The following CDH18 variants were observed in gnomAD, a reference collection of about 807,000 sequenced individuals.
CDH18 encodes the protein cadherin 18.
In CDH18, 31 loss-of-function variants were observed where a neutral mutation model predicts 67.9. The observed-to-expected ratio is 0.46, with a 90% confidence interval of 0.34 to 0.62. The LOEUF (loss-of-function observed/expected upper bound fraction) is 0.62. Ranked by LOEUF, CDH18 falls within the 20% of genes least tolerant of loss-of-function variation. The probability of loss-of-function intolerance (pLI) is 0.01; values close to 1 mark genes in which losing one functional copy is unlikely to be tolerated. For missense variants in CDH18, 890 were observed against 975.5 expected (o/e 0.91, Z 1.17); for synonymous variants, 362 against 347.2 (o/e 1.04, Z -0.48).
At chr5:19,512,023 CTGCTTTG>C (rs1745206574) in intron 10 of CDH18, among the ~76,000 whole-genome samples, 1 of 152,138 alleles carries the variant, frequency 6.6e-6, no homozygotes, top group Admixed American at 6.6e-5. Flanking sequence ...CAGGACCATG[CTGCTTTG>C]TGCAGGACTT....
intron 2 of CDH18, among the ~76,000 whole-genome samples, chr5:20,080,060 T>C (rs1416179949): frequency 6.6e-6 from 1 of 152,180 alleles, no homozygotes; most frequent in Non-Finnish European, 1.5e-5. Context: ...AATATGAATT[T>C]TGGGGGAACG....
chr5:19,977,746 G>A (rs916822331), intron 2 of CDH18, among the ~76,000 whole-genome samples: 8 of 151,864 alleles, frequency 5.3e-5, no homozygotes, highest in African/African-American at 9.7e-5. Flanking sequence ...ATTTTCATAG[G>A]TGTTATGATT....
At chr5:20,304,703 T>C in intron 1 of CDH18, 2 of 1,611,518 alleles carry the variant, frequency 1.2e-6, no homozygotes, top group Non-Finnish European at 1.7e-6. Flanking sequence ...AGCTCCACCT[T>C]CTTGTCAGGT....
At chr5:19,852,530 T>G (rs1015928157) in intron 2 of CDH18, among the ~76,000 whole-genome samples, 1 of 152,056 alleles carries the variant, frequency 6.6e-6, no homozygotes, top group African/African-American at 2.4e-5. Flanking sequence ...GAGAAAGTCA[T>G]GAGGTTTCTA....
At chr5:20,201,005 A>G (rs1739405341) in intron 2 of CDH18, among the ~76,000 whole-genome samples, 1 of 152,076 alleles carries the variant, frequency 6.6e-6, no homozygotes, top group Admixed American at 6.6e-5. Context: ...GGTTACTGTA[A>G]GAAAGTATCA....
intron 1 of CDH18, among the ~76,000 whole-genome samples, chr5:20,470,428 G>A (rs914977309): frequency 1.3e-5 from 2 of 152,060 alleles, no homozygotes; most frequent in Admixed American, 1.3e-4. Context: ...AAGGTAATTC[G>A]TGTCTTTATT....
intron 2 of CDH18, among the ~76,000 whole-genome samples, chr5:19,921,533 A>G (rs75011551): frequency 2.0e-5 from 3 of 151,354 alleles, no homozygotes; most frequent in Non-Finnish European, 4.4e-5. Flanking sequence ...TCCGTCTCAA[A>G]AAAAAAAAAA....
chr5:19,808,441 A>G lies in CDH18; in HGVS notation c.228+30318T>C, dbSNP rs1477254066. On this transcript the variant is annotated intron_variant, in intron 3 of 12. Transcript: ENST00000382275. ...ATGTTCATACATTCATTGGATAAAA[A>G]TCAATAAAATAATAGAACATACCTT... Among the ~76,000 whole-genome samples the G allele has an allele frequency of 2.0e-5, 3 of 152,174 alleles. No individual in the cohort carries two copies. In the East Asian group the frequency reaches 5.8e-4, roughly 29 times the overall value.
chr5:19,675,069 G>T (rs1306839097), intron 5 of CDH18, among the ~76,000 whole-genome samples: 1 of 152,010 alleles, frequency 6.6e-6, no homozygotes, highest in African/African-American at 2.4e-5. Flanking sequence ...ATGTCGGCAG[G>T]TTCCGTGACG....
chr5:19,805,818 C>T (rs1452113174), intron 3 of CDH18, among the ~76,000 whole-genome samples: 2 of 152,094 alleles, frequency 1.3e-5, no homozygotes, highest in African/African-American at 4.8e-5. Context: ...TGTCAAATTC[C>T]TGTCTAGATT....
At chr5:20,154,716 C>T (rs1300022860) in intron 2 of CDH18, among the ~76,000 whole-genome samples, 1 of 152,144 alleles carries the variant, frequency 6.6e-6, no homozygotes, top group African/African-American at 2.4e-5. Context: ...CCAGAATGAT[C>T]TTGTTAAAAT....
chr5:20,528,323 C>A (rs1756192923), intron 1 of CDH18, among the ~76,000 whole-genome samples: 2 of 152,138 alleles, frequency 1.3e-5, no homozygotes, highest in South Asian at 4.1e-4. Context: ...TAATACCCCA[C>A]TGTTAGTATT....
intron 2 of CDH18, among the ~76,000 whole-genome samples, chr5:20,078,227 C>T (rs892801270): frequency 1.6e-4 from 25 of 151,872 alleles, no homozygotes; most frequent in Non-Finnish European, 1.6e-4. Flanking sequence ...TTTGGGAGGC[C>T]GAGGCAGGCA....
chr5:19,488,385 A>G (rs993726362), intron 11 of CDH18, among the ~76,000 whole-genome samples: 1 of 152,212 alleles, frequency 6.6e-6, no homozygotes, highest in Admixed American at 6.5e-5. Context: ...AGCCTGCCAG[A>G]CCATTAAAGT....
At chr5:20,052,593 T>C (rs1202631634) in intron 2 of CDH18, among the ~76,000 whole-genome samples, 3 of 152,036 alleles carry the variant, frequency 2.0e-5, no homozygotes, top group Non-Finnish European at 4.4e-5. Flanking sequence ...AGTGGGGTAA[T>C]AGGGGAAGGT....
chr5:19,851,826 G>GACA (rs1783739671), intron 2 of CDH18, among the ~76,000 whole-genome samples: 1 of 151,640 alleles, frequency 6.6e-6, no homozygotes, highest in African/African-American at 2.4e-5. Flanking sequence ...AATCTCTTTT[G>GACA]GTTCAAAAGA....
chr5:20,379,793 G>GAA (rs144337391), intron 1 of CDH18, among the ~76,000 whole-genome samples: 5 of 143,290 alleles, frequency 3.5e-5, no homozygotes, highest in African/African-American at 1.2e-4. Flanking sequence ...AGACAAATAT[G>GAA]AAAAAAAAAC....
At chr5:20,155,511 T>C (rs1212204758) in intron 2 of CDH18, among the ~76,000 whole-genome samples, 1 of 152,096 alleles carries the variant, frequency 6.6e-6, no homozygotes, top group African/African-American at 2.4e-5. Flanking sequence ...TATTTTCTCC[T>C]GTTCTGTAGG....
intron 1 of CDH18, among the ~76,000 whole-genome samples, chr5:20,369,728 T>G (rs1742824764): frequency 6.6e-6 from 1 of 152,252 alleles, no homozygotes; most frequent in South Asian, 2.1e-4. Context: ...CTTCTTGTAC[T>G]GTTTGCCTAT....
Sources: allele counts gnomAD v4.1 joint callset (sites outside exome capture counted in the v4.1 genomes callset), GRCh38; gene constraint gnomAD v4.1.1; transcripts MANE v1.5; gene names NCBI Gene and HGNC (gene_info 2026-07-23, HGNC 2026-07-21).